The following CPSF1 variants were observed in gnomAD, a reference collection of about 807,000 sequenced individuals.
CPSF1 encodes the protein cleavage and polyadenylation specific factor 1, also known as cleavage and polyadenylation specificity factor subunit 1.
CPSF1 carries 106 observed loss-of-function variants against 175.8 expected under a neutral mutation model. The observed-to-expected ratio is 0.60, with a 90% CI of 0.52 to 0.71. The LOEUF (loss-of-function observed/expected upper bound fraction) is 0.71, where lower values mean the gene tolerates loss of function less well. Ranked by LOEUF, CPSF1 falls within the 30% of genes least tolerant of loss-of-function variation. The pLI, the probability that CPSF1 is intolerant of heterozygous loss-of-function variation, is 0.00. For synonymous variants in CPSF1, 1,024 were observed against 858.3 expected, an observed-to-expected ratio of 1.19 and a Z score of -3.37; for missense variants, 1,734 against 2,022.9, an observed-to-expected ratio of 0.86 and a Z score of 2.74.
At chr8:144,396,053 C>G (rs1018406221) in intron 26 of CPSF1, 33 of 477,424 alleles carry the variant, frequency 6.9e-5, no homozygotes, top group Non-Finnish European at 6.8e-5. Context: ...CTAGCACTCA[C>G]GTCAGCTCTC....
rs1443456719 is a variant in CPSF1, at chr8:144,394,862, C to T, written c.3414+20G>A. The T allele has an allele frequency of 2.0e-5, 33 of 1,611,764 alleles. No individual in the cohort carries two copies. Among genetic ancestry groups the T allele is most frequent in the Non-Finnish European group, 2.7e-5 (32 of 1,179,224 alleles). ...GGCAGAGGGGCTGCCAGTTCCCGCC[C>T]CCGCTCACTGGCCCCTTACCCGCCC... On this transcript the variant is annotated intron_variant, in intron 30 of 37. Transcript: ENST00000616140.
chr8:144,396,973 G>A (rs1820803917), intron 23 of CPSF1, 44 bp from the exon 24 acceptor site: 3 of 1,434,470 alleles, frequency 2.1e-6, no homozygotes, highest in African/African-American at 1.4e-5. Context: ...CAGGGCCATG[G>A]AGAACATGGG....
At position 144,394,056 on chromosome 8, in the gene CPSF1, A is replaced by AG; in HGVS notation, c.3860-19dup. 1 of 1,610,862 alleles carries AG rather than the reference A, an allele frequency of 6.2e-7. No homozygotes were observed. Among genetic ancestry groups the AG allele is most frequent in the Non-Finnish European group, 8.5e-7 (1 of 1,178,214 alleles). On this transcript the variant is annotated intron_variant, in intron 34 of 37. Coordinates refer to ENST00000616140, the MANE Select transcript of CPSF1 (RefSeq NM_013291.3). The stretch of plus-strand genomic sequence containing the variant: ...CTCCTTGGCTAGACCAGAAAGGCCT[A>AG]GGGGTCACTGCTAGCCCAGCCCCGG...
chr8:144,395,356 C>A lies in CPSF1; in HGVS notation c.3097-1G>T. ...TGGTGCTGGTGGCCACAGCATACAC[C>A]TGTGGGTTAGTGAGGGTCACACACC... On this transcript the variant is annotated splice_acceptor_variant, in intron 27 of 37. Transcript: ENST00000616140. LOFTEE classifies it high-confidence loss of function. 6.2e-7 allele frequency: 1 copy of A among 1,611,688 alleles called. No individual in the cohort carries two copies. Among genetic ancestry groups the A allele is most frequent in the Non-Finnish European group, 8.5e-7 (1 of 1,179,440 alleles).
At chr8:144,405,765 C>A (rs1409758045) in intron 2 of CPSF1, among the ~76,000 whole-genome samples, 1 of 152,212 alleles carries the variant, frequency 6.6e-6, no homozygotes, top group East Asian at 1.9e-4. Context: ...AAGTGACTGG[C>A]AGCTTCTGCC....
At chr8:144,401,108 C>G in intron 5 of CPSF1, 33 bp from the exon 6 acceptor site, 1 of 1,570,170 alleles carries the variant, frequency 6.4e-7, no homozygotes, top group Non-Finnish European at 8.7e-7. Context: ...CCAGGCCCAG[C>G]ATAGGAGACC....
rs1554865301 is a variant in CPSF1, at chr8:144,399,012, C to T, written c.1494G>A (p.Leu498=). The change falls in exon 16 of 38, where the codon CTG becomes CTA. Residue 498 remains leucine, a synonymous_variant. Transcript: ENST00000616140. This position sits in a 1 kb window ranked among gnomAD's most constrained non-coding sequence, Gnocchi z 6.4. ...EEFQNSPEPD[L]EIVVCSGHGK... is the part of the protein sequence containing the mutation. ...CGTGGCCGGAGCAAACCACAATCTC[C>T]AGGTCCGGCTCGGGGCTGTTCTGAA... is the stretch of plus-strand genomic sequence containing the variant. 1.2e-6 allele frequency: 2 copies of T among 1,609,606 alleles called. No homozygotes were observed. Among genetic ancestry groups the T allele is most frequent in the East Asian group, 4.5e-5 (2 of 44,644 alleles).
In CPSF1 at chr8:144,394,078, C is replaced by T. The variant is rs199548712; in HGVS notation, c.3859+35G>A. On this transcript the variant is annotated intron_variant, in intron 34 of 37. Coordinates refer to ENST00000616140, the MANE Select transcript of CPSF1 (RefSeq NM_013291.3). ...CCTAGGGGTCACTGCTAGCCCAGCCCCGGCCCAGGCAGAGGGGGTGGAGGA... is the reference window on the plus strand; with the variant it reads ...CCTAGGGGTCACTGCTAGCCCAGCCTCGGCCCAGGCAGAGGGGGTGGAGGA... The T allele has an allele frequency of 4.3e-6, 7 of 1,611,132 alleles. No individual in the cohort carries two copies. The South Asian group carries it at 6.6e-5, about 15-fold the overall frequency.
chr8:144,408,055 G>A (rs2116910211), intron 2 of CPSF1, among the ~76,000 whole-genome samples: 5 of 152,168 alleles, frequency 3.3e-5, no homozygotes, highest in Non-Finnish European at 7.3e-5. Context: ...TATGTATGCC[G>A]GGGTAGGTGC....
rs1240262628 is a variant in CPSF1, at chr8:144,400,870, C to T, written c.540-53G>A. The T allele has an allele frequency of 1.2e-5, 19 of 1,605,580 alleles. No homozygotes were observed. In the African/African-American group the frequency reaches 1.2e-4, roughly 10 times the overall value. On this transcript the variant is annotated intron_variant, in intron 6 of 37. Transcript: ENST00000616140. The stretch of plus-strand genomic sequence containing the variant: ...AGGAGGGGAGGCGGGGAGGGGAGCT[C>T]GGGCTCTGGCGCCTCCCACCCCAGC...
Position 144,401,272 on chromosome 8 carries a change from TCGTA to T in CPSF1, c.322_325del (p.Tyr108ThrfsTer7). 6.4e-7 allele frequency: 1 copy of T among 1,556,192 alleles called. No individual in the cohort carries two copies. The highest frequency in any genetic ancestry group is 8.7e-7 in the Non-Finnish European group (1 of 1,150,108). ...GGTCTTCAGGTCATGGGTGCCCGGG[TCGTA>T]CTCCACCACAGACAGCTGCGGTCAG... On this transcript the variant is annotated frameshift_variant, in exon 5 of 38. Transcript: ENST00000616140. LOFTEE classifies it high-confidence loss of function.
At chr8:144,400,138 C>CCCCCCCCCCCCCCCCCCCCCCCCCA in intron 9 of CPSF1, 28 bp downstream of exon 9, 1 of 1,185,674 alleles carries the variant, frequency 8.4e-7, no homozygotes, top group Non-Finnish European at 1.2e-6. Flanking sequence ...TCCCCGGGCC[C>CCCCCCCCCCCCCCCCCCCCCCCCCA]CCCCCGCCCC....
chr8:144,400,364 G>T lies in CPSF1; in HGVS notation c.816C>A (p.Pro272=), dbSNP rs1451147197. 1.2e-5 allele frequency: 20 copies of T among 1,613,922 alleles called. No homozygotes were observed. The highest frequency in any genetic ancestry group is 1.7e-5 in the Non-Finnish European group (20 of 1,179,964). Residue 272 remains proline, a synonymous_variant, in exon 8 of 38, where the codon CCC becomes CCA. Transcript: ENST00000616140. ...TCCCAGGACACACACCTATGGGCTTGGGCACAGCCAGAGCCTGGGTGCAGT... is the reference window on the plus strand; with the variant it reads ...TCCCAGGACACACACCTATGGGCTTTGGCACAGCCAGAGCCTGGGTGCAGT... ...PFDCTQALAV[P]KPIGGVVVFA... is the part of the protein sequence containing the mutation.
chr8:144,406,326 C>T (rs1821498794), intron 2 of CPSF1, among the ~76,000 whole-genome samples: 1 of 152,212 alleles, frequency 6.6e-6, no homozygotes, highest in Admixed American at 6.5e-5. Context: ...CACAACCCCT[C>T]GTGCCCACCA....
chr8:144,397,178 G>A (rs782570222), intron 23 of CPSF1, 29 bp downstream of exon 23: 239 of 1,514,424 alleles, frequency 1.6e-4, no homozygotes, highest in Non-Finnish European at 2.1e-4. Context: ...GGGAAGATGG[G>A]AAGGGGAGGC....
intron 20 of CPSF1, 23 bp from the exon 21 acceptor site, chr8:144,397,902 A>G: frequency 6.3e-7 from 1 of 1,599,124 alleles, no homozygotes; most frequent in African/African-American, 1.3e-5. Context: ...GGGTGGGCTC[A>G]GCGGCGGGCA....
In CPSF1 at chr8:144,409,225, G is replaced by A. The variant is rs1821664303; in HGVS notation, c.-14-53C>T. The A allele has an allele frequency of 7.5e-6, 10 of 1,329,188 alleles. No homozygotes were observed. In the South Asian group the frequency reaches 1.6e-4, roughly 21 times the overall value. 82.3% of individuals were successfully genotyped at this position (1,329,188 alleles called of 1,614,324 possible). A position where few individuals can be genotyped will look rare whatever the true frequency, so the allele number is the denominator to read the frequency against. ...AGCGGGGTCGCCCACGCAGGAGCCCGGCCCCGCACCGCGCCCCTCCCCGGC... is the reference window on the plus strand; with the variant it reads ...AGCGGGGTCGCCCACGCAGGAGCCCAGCCCCGCACCGCGCCCCTCCCCGGC... On this transcript the variant is annotated intron_variant, in intron 1 of 37. Transcript: ENST00000616140.
intron 23 of CPSF1, 92 bp downstream of exon 23, chr8:144,397,115 T>TGGGGTGGAGCCACGGGAA: frequency 2.7e-6 from 2 of 733,606 alleles, no homozygotes; most frequent in Non-Finnish European, 3.3e-6. Flanking sequence ...GTGGGGGAGA[T>TGGGGTGGAGCCACGGGAA]GGGGTGGAGC....
Position 144,400,818 on chromosome 8 carries a change from C to T in CPSF1, c.540-1G>A. ...GCTGGGCAGGAAGCTGGACCTCTGCCTGGGGGGCCAGGGGCTTCAGCAGGA... is the reference window on the plus strand; with the variant it reads ...GCTGGGCAGGAAGCTGGACCTCTGCTTGGGGGGCCAGGGGCTTCAGCAGGA... On this transcript the variant is annotated splice_acceptor_variant, in intron 6 of 37. Coordinates refer to ENST00000616140, the MANE Select transcript of CPSF1 (RefSeq NM_013291.3). LOFTEE classifies it high-confidence loss of function. 6.2e-7 allele frequency: 1 copy of T among 1,613,500 alleles called. No individual in the cohort carries two copies. The highest frequency in any genetic ancestry group is 8.5e-7 in the Non-Finnish European group (1 of 1,179,926).
Sources: gnomAD v4.1 joint callset for allele counts (sites outside exome capture counted in the v4.1 genomes callset) on GRCh38, gnomAD v4.1.1 for gene constraint, Gnocchi (gnomAD v3.1) non-coding constraint, MANE v1.5 for transcripts, NCBI Gene and HGNC (gene_info 2026-07-23, HGNC 2026-07-21) for gene names.